PCDHGB5: variants seen among roughly 807,000 people sequenced by gnomAD.
PCDHGB5 encodes protocadherin gamma subfamily B, 5, also known as protocadherin gamma-B5.
PCDHGB5 carries 48 observed loss-of-function variants against 62.9 expected under a neutral mutation model. The observed-to-expected ratio is 0.76, with a 90% CI of 0.61 to 0.97. The LOEUF (loss-of-function observed/expected upper bound fraction) is 0.97. Ranked by LOEUF, PCDHGB5 falls within the 50% of genes least tolerant of loss-of-function variation. The pLI is 0.00. For synonymous variants in PCDHGB5, 474 were observed against 511.2 expected (o/e 0.93, Z 0.98); for missense variants, 1,118 against 1,198.6 (o/e 0.93, Z 0.99).
At chr5:141,423,620 C>A in intron 1 of PCDHGB5, 1 of 1,608,268 alleles carries the variant, frequency 6.2e-7, no homozygotes, top group Non-Finnish European at 8.5e-7. Flanking sequence ...GCTGAAGACT[C>A]AGCTATCATT....
chr5:141,437,116 GA>G (rs914218907), intron 1 of PCDHGB5, among the ~76,000 whole-genome samples: 4 of 152,150 alleles, frequency 2.6e-5, no homozygotes, highest in African/African-American at 9.7e-5. Flanking sequence ...GGATTTTTAG[GA>G]CACTTGTTGA....
Position 141,490,688 on chromosome 5 carries a change from C to G in PCDHGB5, c.2398-4119C>G. 1 of 1,614,218 alleles carries G rather than the reference C, an allele frequency of 6.2e-7. No individual in the cohort carries two copies. Among genetic ancestry groups the G allele is most frequent in the Non-Finnish European group, 8.5e-7 (1 of 1,180,032 alleles). On this transcript the variant is annotated intron_variant, in intron 1 of 3. Coordinates refer to ENST00000617380, the MANE Select transcript of PCDHGB5 (RefSeq NM_018925.3). The surrounding 1 kb of genome is among the most constrained non-coding windows in gnomAD (Gnocchi z 5.4). ...ACTGTGGCTGCCTCAGATCCAGACA[C>G]TGGGGATAATGCCCGCCTCACCTAC...
chr5:141,483,588 A>G (rs2099583207), intron 1 of PCDHGB5, among the ~76,000 whole-genome samples: 1 of 152,112 alleles, frequency 6.6e-6, no homozygotes, highest in African/African-American at 2.4e-5. Flanking sequence ...AACACCTAAT[A>G]GGTCAGGCTG....
At chr5:141,463,438 C>CTTTTTTT (rs71576115) in intron 1 of PCDHGB5, among the ~76,000 whole-genome samples, 6 of 103,252 alleles carry the variant, frequency 5.8e-5, no homozygotes, top group African/African-American at 1.3e-4. Flanking sequence ...TTTCCTTCTC[C>CTTTTTTT]TTTTTTTTTT....
intron 1 of PCDHGB5, chr5:141,478,920 CCAGTGG>C: frequency 2.7e-6 from 2 of 728,392 alleles, no homozygotes; most frequent in South Asian, 4.5e-5. Flanking sequence ...ATACCTCTAA[CCAGTGG>C]CAGCTTCTAG....
intron 3 of PCDHGB5, chr5:141,507,010 G>A (rs371780810): frequency 1.3e-5 from 2 of 152,324 alleles, no homozygotes; most frequent in East Asian, 1.9e-4. Flanking sequence ...TGAGAGAACC[G>A]AGAAGGCACT....
Position 141,493,404 on chromosome 5 carries a change from C to T in PCDHGB5, c.2398-1403C>T, listed in dbSNP as rs2099748048. Among the ~76,000 whole-genome samples, 1 of 152,148 alleles carries T rather than the reference C, an allele frequency of 6.6e-6. No individual in the cohort carries two copies. Among genetic ancestry groups the T allele is most frequent in the South Asian group, 2.1e-4 (1 of 4,826 alleles). ...CTTGAGGACAGGAGAGGGGAGTTGC[C>T]TCTGCTGGGATTTTGCTTCTGCTGG... On this transcript the variant is annotated intron_variant, in intron 1 of 3. Transcript: ENST00000617380. The surrounding 1 kb of genome is among the most constrained non-coding windows in gnomAD (Gnocchi z 4.3).
chr5:141,509,273 C>T (rs1026035086), intron 3 of PCDHGB5, among the ~76,000 whole-genome samples: 1 of 152,098 alleles, frequency 6.6e-6, no homozygotes, highest in Admixed American at 6.5e-5. Flanking sequence ...CTCTCGCTAC[C>T]CGCTCCCAGG....
intron 2 of PCDHGB5, among the ~76,000 whole-genome samples, chr5:141,501,536 G>A (rs570102957): frequency 5.9e-5 from 9 of 152,054 alleles, no homozygotes; most frequent in African/African-American, 2.2e-4. Context: ...GTACGTTGTT[G>A]TGCATAAGAT....
chr5:141,465,043 T>C (rs1404714692), intron 1 of PCDHGB5, among the ~76,000 whole-genome samples: 2 of 152,030 alleles, frequency 1.3e-5, no homozygotes, highest in Non-Finnish European at 2.9e-5. Context: ...CAAATGACCC[T>C]ATATATTTTT....
intron 1 of PCDHGB5, chr5:141,430,640 G>A (rs902915974): frequency 1.1e-6 from 1 of 916,196 alleles, no homozygotes; most frequent in East Asian, 2.7e-5. Flanking sequence ...ATCCCTGGGA[G>A]TATGTGGAAA....
intron 1 of PCDHGB5, chr5:141,428,289 G>A: frequency 1.4e-6 from 1 of 728,400 alleles, no homozygotes; most frequent in Non-Finnish European, 2.4e-6. Context: ...CCCAAGCAAA[G>A]CTGCAGATTT....
rs1267965791 is a variant in PCDHGB5, at chr5:141,431,329, G to C, written c.2397+30805G>C. 1 of 1,614,002 alleles carries C rather than the reference G, an allele frequency of 6.2e-7. No individual in the cohort carries two copies. Among genetic ancestry groups the C allele is most frequent in the East Asian group, 2.2e-5 (1 of 44,904 alleles). On this transcript the variant is annotated intron_variant, in intron 1 of 3. Coordinates refer to ENST00000617380, the MANE Select transcript of PCDHGB5 (RefSeq NM_018925.3). The surrounding 1 kb of genome is among the most constrained non-coding windows in gnomAD (Gnocchi z 4.8). ...TGCAAAATGGAGCCGACGGTAGTAA[G>C]TACCCCGAATTGGTGCTGAAACGCG...
intron 1 of PCDHGB5, chr5:141,422,178 G>A (rs1561799748): frequency 1.9e-6 from 3 of 1,563,306 alleles, no homozygotes; most frequent in Non-Finnish European, 1.7e-6. Flanking sequence ...GATTCTATGA[G>A]ATGGAAATTC....
chr5:141,403,353 A>T lies in PCDHGB5; in HGVS notation c.2397+2829A>T, dbSNP rs1335542003. The T allele has an allele frequency of 2.5e-6, 4 of 1,613,932 alleles. No individual in the cohort carries two copies. In the East Asian group the frequency reaches 6.7e-5, roughly 27 times the overall value. ...ATTAACGACAGCGCCCCAAAGTTCC[A>T]GGCCGAAAGTCTGGAAGTAAAAATT... On this transcript the variant is annotated intron_variant, in intron 1 of 3. Coordinates refer to ENST00000617380, the MANE Select transcript of PCDHGB5 (RefSeq NM_018925.3).
At chr5:141,458,100 A>AT (rs2098937418) in intron 1 of PCDHGB5, among the ~76,000 whole-genome samples, 1 of 152,252 alleles carries the variant, frequency 6.6e-6, no homozygotes, top group Non-Finnish European at 1.5e-5. Context: ...GAGTACTTAC[A>AT]GATAGTCTCC....
rs148119281 is a variant in PCDHGB5, at chr5:141,511,006, C to T, written c.2605C>T (p.Arg869Cys). The T allele has an allele frequency of 3.5e-5, 56 of 1,614,078 alleles. No individual in the cohort carries two copies. Among genetic ancestry groups the T allele is most frequent in the African/African-American group, 5.3e-5 (4 of 74,922 alleles). The change falls in exon 4 of 4, where the codon CGC (arginine) becomes TGC (cysteine). Residue 869 changes from arginine to cysteine, a missense_variant. By Grantham distance (180) the Arg-to-Cys change is radical. This residue lies in a region of PCDHGB5 where 1,034 missense variants were observed against 1,029.1 expected (regional missense o/e 1.00). Transcript: ENST00000617380. Reference protein sequence around the residue: ...GGAGTMGLSARYGPQFTLQHV... With the variant: ...GGAGTMGLSACYGPQFTLQHV... ...TGCCGGCACCATGGGATTGAGCGCC[C>T]GCTACGGACCCCAGTTCACCCTGCA...
Position 141,486,662 on chromosome 5 carries a change from C to T in PCDHGB5, c.2398-8145C>T. 6.2e-7 allele frequency: 1 copy of T among 1,613,970 alleles called. No homozygotes were observed. The highest frequency in any genetic ancestry group is 1.1e-5 in the South Asian group (1 of 91,086). ...GCTTATCTCCTACTCACTCCTGGAG[C>T]CCAGGAATCGAGATGTATCAGCTTC... On this transcript the variant is annotated intron_variant, in intron 1 of 3. Coordinates refer to ENST00000617380, the MANE Select transcript of PCDHGB5 (RefSeq NM_018925.3). The surrounding 1 kb of genome is among the most constrained non-coding windows in gnomAD (Gnocchi z 5.0).
chr5:141,476,412 G>T lies in PCDHGB5; in HGVS notation c.2398-18395G>T. The T allele has an allele frequency of 1.2e-6, 2 of 1,614,140 alleles. No homozygotes were observed. Among genetic ancestry groups the T allele is most frequent in the Non-Finnish European group, 1.7e-6 (2 of 1,180,010 alleles). On this transcript the variant is annotated intron_variant, in intron 1 of 3. Coordinates refer to ENST00000617380, the MANE Select transcript of PCDHGB5 (RefSeq NM_018925.3). The surrounding 1 kb of genome is among the most constrained non-coding windows in gnomAD (Gnocchi z 7.6). ...CGTCTGGATCGAGAGGAGCTGTGTGGGACACTGCCCTCTTGCACTGTAACT... is the reference window on the plus strand; with the variant it reads ...CGTCTGGATCGAGAGGAGCTGTGTGTGACACTGCCCTCTTGCACTGTAACT...
Sources: gnomAD v4.1 joint callset for allele counts (sites outside exome capture counted in the v4.1 genomes callset) on GRCh38, gnomAD v4.1.1 for gene constraint, gnomAD v4.1.1 regional missense constraint, Gnocchi (gnomAD v3.1) non-coding constraint, MANE v1.5 for transcripts, NCBI Gene and HGNC (gene_info 2026-07-23, HGNC 2026-07-21) for gene names.